The following NEDD4 variants were observed in gnomAD, a reference collection of about 807,000 sequenced individuals.
NEDD4 encodes NEDD4 E3 ubiquitin protein ligase, also known as E3 ubiquitin-protein ligase NEDD4.
A neutral mutation model predicts 144.9 loss-of-function variants in NEDD4; 99 were observed. The observed-to-expected ratio is 0.68, with a 90% CI of 0.58 to 0.81. The LOEUF is 0.81. Among genes scored for constraint, NEDD4 ranks in the 30% least tolerant of loss-of-function variants. NEDD4 has a pLI of 0.00. For missense variants in NEDD4, 985 were observed against 1,065.9 expected, an observed-to-expected ratio of 0.92 and a Z score of 1.06; for synonymous variants, 318 against 350.6, an observed-to-expected ratio of 0.91 and a Z score of 1.04.
intron 4 of NEDD4, among the ~76,000 whole-genome samples, chr15:55,935,783 G>T (rs8038884): frequency 0.3 from 44,917 of 147,574 alleles, 6,896 homozygotes; most frequent in South Asian, 0.39. Flanking sequence ...GGAGGCAGAG[G>T]TTGCAGTGAG....
intron 5 of NEDD4, among the ~76,000 whole-genome samples, chr15:55,914,125 T>C (rs1192370723): frequency 1.3e-5 from 2 of 151,852 alleles, no homozygotes; most frequent in Non-Finnish European, 3.0e-5. Context: ...ACAATTATTA[T>C]ATTTACCAGA....
At chr15:55,954,202 C>T (rs1227963521) in intron 2 of NEDD4, among the ~76,000 whole-genome samples, 1 of 152,082 alleles carries the variant, frequency 6.6e-6, no homozygotes, top group Non-Finnish European at 1.5e-5. Context: ...TGACCATTTT[C>T]TCTTTGAAAC....
rs1436949474 is a variant in NEDD4, at chr15:55,827,417, A to C, written c.*2480T>G. On this transcript the variant is annotated 3_prime_UTR_variant, in exon 29 of 29. Transcript: ENST00000435532. ...GGAGATGAAGGGGATGAAGGTCTGCAGCTGGGGACTGGTGGCAGTTGAGTC... is the reference window on the plus strand; with the variant it reads ...GGAGATGAAGGGGATGAAGGTCTGCCGCTGGGGACTGGTGGCAGTTGAGTC... The C allele has an allele frequency of 6.6e-6, 1 of 152,230 alleles. No homozygotes were observed. Among genetic ancestry groups the C allele is most frequent in the Non-Finnish European group, 1.5e-5 (1 of 68,046 alleles). 9.4% of individuals were successfully genotyped at this position (152,230 alleles called of 1,614,324 possible). A position where few individuals can be genotyped will look rare whatever the true frequency, so the allele number is the denominator to read the frequency against.
At chr15:55,933,122 C>T (rs1360999676) in intron 4 of NEDD4, among the ~76,000 whole-genome samples, 1 of 152,054 alleles carries the variant, frequency 6.6e-6, no homozygotes, top group Non-Finnish European at 1.5e-5. Flanking sequence ...GACAGTGTGG[C>T]GATTCCTCAA....
intron 5 of NEDD4, among the ~76,000 whole-genome samples, chr15:55,902,058 C>T (rs777922879): frequency 1.6e-4 from 25 of 152,078 alleles, no homozygotes; most frequent in South Asian, 4.1e-4. Context: ...AAATACAGTG[C>T]GGCAATTAAG....
chr15:55,898,509 C>T (rs982823462), intron 5 of NEDD4, among the ~76,000 whole-genome samples: 1 of 152,134 alleles, frequency 6.6e-6, no homozygotes, highest in Non-Finnish European at 1.5e-5. Flanking sequence ...ATAATTTCAA[C>T]ACTCTGATCC....
chr15:55,851,730 G>A (rs2033990488), intron 13 of NEDD4, among the ~76,000 whole-genome samples: 1 of 151,886 alleles, frequency 6.6e-6, no homozygotes, highest in African/African-American at 2.4e-5. Context: ...TCCCACCTTG[G>A]CCTCCCAAAG....
chr15:55,990,022 C>T (rs957404838), intron 1 of NEDD4, among the ~76,000 whole-genome samples: 72 of 151,810 alleles, frequency 4.7e-4, no homozygotes, highest in African/African-American at 1.7e-3. Context: ...AGGTTGTGTA[C>T]CCCTTATAAG....
intron 2 of NEDD4, among the ~76,000 whole-genome samples, chr15:55,957,005 T>C (rs999862720): frequency 2.0e-5 from 3 of 152,216 alleles, no homozygotes; most frequent in Admixed American, 1.3e-4. Flanking sequence ...TGTCCATTTA[T>C]TACAAATCTT....
intron 1 of NEDD4, among the ~76,000 whole-genome samples, chr15:55,973,613 A>G (rs1370978563): frequency 6.7e-6 from 1 of 150,132 alleles, no homozygotes; most frequent in African/African-American, 2.5e-5. Context: ...CTAGAAATCA[A>G]TAACAAGAGG....
At chr15:55,903,845 C>CATATATATATAT (rs34829007) in intron 5 of NEDD4, among the ~76,000 whole-genome samples, 2 of 122,324 alleles carry the variant, frequency 1.6e-5, no homozygotes, top group African/African-American at 6.3e-5. Flanking sequence ...AAAAAACACA[C>CATATATATATAT]ATATATATAT....
At chr15:55,978,655 G>T (rs2037744916) in intron 1 of NEDD4, among the ~76,000 whole-genome samples, 1 of 152,124 alleles carries the variant, frequency 6.6e-6, no homozygotes, top group African/African-American at 2.4e-5. Context: ...CCAGACCAGG[G>T]CTCTTCACTA....
intron 5 of NEDD4, among the ~76,000 whole-genome samples, chr15:55,883,902 C>T (rs2035293641): frequency 7.3e-6 from 1 of 137,660 alleles, no homozygotes; most frequent in African/African-American, 2.7e-5. Flanking sequence ...TTTTTTGAGA[C>T]AGAGTCTCAC....
At chr15:55,974,517 A>C (rs1333671796) in intron 1 of NEDD4, among the ~76,000 whole-genome samples, 5 of 152,200 alleles carry the variant, frequency 3.3e-5, no homozygotes, top group Admixed American at 3.3e-4. Flanking sequence ...AAAAATCCGT[A>C]ATAAAATACT....
rs934939426 is a variant in NEDD4, at chr15:55,836,587, G to A, written c.2262+1202C>T. Among the ~76,000 whole-genome samples the A allele has an allele frequency of 5.3e-5, 8 of 152,012 alleles. No homozygotes were observed. In the East Asian group the frequency reaches 5.8e-4, roughly 11 times the overall value. On this transcript the variant is annotated intron_variant, in intron 24 of 28. Transcript: ENST00000435532. Reference sequence around the variant, plus strand: ...GTTGCCCAGGATGGAGTGCAGTGGCGTAATCTTGGCTCACTGCAACCTCTG... The same window carrying A: ...GTTGCCCAGGATGGAGTGCAGTGGCATAATCTTGGCTCACTGCAACCTCTG...
At chr15:55,883,870 A>G (rs2035291143) in intron 5 of NEDD4, among the ~76,000 whole-genome samples, 1 of 140,426 alleles carries the variant, frequency 7.1e-6, no homozygotes, top group African/African-American at 2.6e-5. Flanking sequence ...CAAGACCACC[A>G]AAGTGGCACT....
intron 11 of NEDD4, among the ~76,000 whole-genome samples, chr15:55,857,448 C>T (rs12912488): frequency 0.19 from 29,529 of 152,032 alleles, 3,529 homozygotes; most frequent in Non-Finnish European, 0.26. Context: ...CTTGCCTCAG[C>T]CTACCGAGTA....
In NEDD4 at chr15:55,872,481, A is replaced by G; in HGVS notation, c.343-5T>C. 1 of 1,398,438 alleles carries G rather than the reference A, an allele frequency of 7.2e-7. No homozygotes were observed. Among genetic ancestry groups the G allele is most frequent in the Non-Finnish European group, 9.6e-7 (1 of 1,042,160 alleles). 86.6% of individuals were successfully genotyped at this position (1,398,438 alleles called of 1,614,324 possible). On this transcript the variant is annotated splice_region_variant and splice_polypyrimidine_tract_variant and intron_variant, in intron 6 of 28. Coordinates refer to ENST00000435532, the MANE Select transcript of NEDD4 (RefSeq NM_006154.4). ...CTCCAATCTTGGATTTTCTGTCTAG[A>G]ATAAAATAGTGGGTTTTCAAAATAT...
chr15:55,885,656 A>T (rs2035358804), intron 5 of NEDD4, among the ~76,000 whole-genome samples: 1 of 152,184 alleles, frequency 6.6e-6, no homozygotes. Flanking sequence ...AATATTTGCA[A>T]GCCTCTTGGT....
Sources: allele counts gnomAD v4.1 joint callset (sites outside exome capture counted in the v4.1 genomes callset), GRCh38; gene constraint gnomAD v4.1.1; transcripts MANE v1.5; gene names NCBI Gene and HGNC (gene_info 2026-07-23, HGNC 2026-07-21).